The following NFXL1 variants were observed in gnomAD, a reference collection of about 807,000 sequenced individuals.
NFXL1 encodes nuclear transcription factor, X-box binding like 1.
In NFXL1, 66 loss-of-function variants were observed where a neutral mutation model predicts 123.3. The ratio of observed to expected loss-of-function variants is 0.54; its 90% CI spans 0.44 to 0.66. The LOEUF is 0.66. Among genes scored for constraint, NFXL1 ranks in the 30% least tolerant of loss-of-function variants. NFXL1 has a pLI of 0.00. For missense variants in NFXL1, 944 were observed against 1,125.6 expected (o/e 0.84, Z 2.31); for synonymous variants, 346 against 360.8 (o/e 0.96, Z 0.46).
In NFXL1 at chr4:47,858,801, A is replaced by AT. The variant is rs771786921; in HGVS notation, c.2317-3639dup. Among the ~76,000 whole-genome samples, 6 of 152,242 alleles carry AT rather than the reference A, an allele frequency of 3.9e-5. No homozygotes were observed. The South Asian group carries it at 6.2e-4, about 16-fold the overall frequency. ...ACTTCTGGTATGCCAGCATTACTTG[A>AT]TTTTTTGGCCTGGGTAGAGTTAACA... On this transcript the variant is annotated intron_variant, in intron 19 of 22. Transcript: ENST00000507489.
chr4:47,871,303 A>C (rs1735415518), intron 18 of NFXL1, among the ~76,000 whole-genome samples: 1 of 149,156 alleles, frequency 6.7e-6, no homozygotes, highest in Admixed American at 6.8e-5. Flanking sequence ...CAGTGAGCAG[A>C]TTATGCCACT....
chr4:47,850,881 A>C (rs910712313), intron 22 of NFXL1, among the ~76,000 whole-genome samples: 1 of 152,122 alleles, frequency 6.6e-6, no homozygotes, highest in Non-Finnish European at 1.5e-5. Flanking sequence ...ATACAAAAAA[A>C]AAATTTGGGA....
chr4:47,852,240 G>C (rs898468325), intron 20 of NFXL1: 1 of 287,298 alleles, frequency 3.5e-6, no homozygotes, highest in Non-Finnish European at 6.5e-6. Context: ...TTTCTTTATT[G>C]TTTGTTATTC....
chr4:47,854,761 A>C (rs757424241), intron 20 of NFXL1, among the ~76,000 whole-genome samples: 9 of 152,128 alleles, frequency 5.9e-5, no homozygotes, highest in Non-Finnish European at 1.0e-4. Flanking sequence ...AATCTAAAGC[A>C]CATTGACCAA....
In NFXL1 at chr4:47,897,889, TGGA is replaced by T. The variant is rs2058669081; in HGVS notation, c.1204+75_1204+77del. ...TTTAGTAATATGCACTTAAGTTTCC[TGGA>T]GGACGTCTTTTGAATGTCTTTTCAT... On this transcript the variant is annotated intron_variant, in intron 9 of 22. Coordinates refer to ENST00000507489, the MANE Select transcript of NFXL1 (RefSeq NM_001278624.2). 7 of 883,028 alleles carry T rather than the reference TGGA, an allele frequency of 7.9e-6. No individual in the cohort carries two copies. In the South Asian group the frequency reaches 1.3e-4, roughly 17 times the overall value. The allele number at this position is 883,028 out of a possible 1,614,324, so 54.7% of individuals were successfully genotyped here.
chr4:47,914,169 C>T lies in NFXL1; in HGVS notation c.35G>A (p.Arg12Gln). 1 of 1,528,320 alleles carries T rather than the reference C, an allele frequency of 6.5e-7. No individual in the cohort carries two copies. The allele number at this position is 1,528,320 out of a possible 1,614,324, so 94.7% of individuals were successfully genotyped here. A position where few individuals can be genotyped will look rare whatever the true frequency, so the allele number is the denominator to read the frequency against. The change falls in exon 2 of 23, where the codon CGA (arginine) becomes CAA (glutamine). Residue 12 changes from arginine to glutamine, a missense_variant. Around this residue, in one of 4 missense-constraint regions of NFXL1, gnomAD observed 303 missense variants for 292.1 expected, o/e 1.04. Transcript: ENST00000507489. ...EASWRQVAGGRGRSRGRATAA... is the reference protein window; with the variant it reads ...EASWRQVAGGQGRSRGRATAA... ...AGTGGCCCGTCCCCGGGATCGGCCT[C>T]GGCCACCGGCCACCTGGCGCCAGGA... is the stretch of plus-strand genomic sequence containing the variant.
At position 47,899,071 on chromosome 4, in the gene NFXL1, C is replaced by T. The variant is rs34323060; in HGVS notation, c.876G>A (p.Lys292=). ...ACCTACGAGGGATAGGTTTTGCTTT[C>T]TTACAGTAACAAGTAGTTGTGACCA... The part of the protein sequence containing the change: ...PKMVTTTCYC[K]KAKPIPRRCS... Residue 292 remains lysine (K), a synonymous_variant, in exon 7 of 23, where the codon AAG becomes AAA. Transcript: ENST00000507489. 66,976 of 1,596,996 alleles carry T rather than the reference C, an allele frequency of 0.042. 1,568 individuals are homozygous for T. Among genetic ancestry groups the T allele is most frequent in the Non-Finnish European group, 0.049 (57,545 of 1,173,380 alleles).
chr4:47,890,663 CCA>C lies in NFXL1; in HGVS notation c.1491_1492del (p.Cys497TrpfsTer7), dbSNP rs1196305423. On this transcript the variant is annotated frameshift_variant, in exon 12 of 23. Transcript: ENST00000507489. LOFTEE classifies it high-confidence loss of function. ...ATGGTTTCTACATCCTAAAGTCCGTCCACAGTTTTGATCACAAGGTGGACAGT... is the reference window on the plus strand; with the variant it reads ...ATGGTTTCTACATCCTAAAGTCCGTCCAGTTTTGATCACAAGGTGGACAGT... 6.2e-6 allele frequency: 10 copies of C among 1,611,520 alleles called. No homozygotes were observed. In the Admixed American group the frequency reaches 6.7e-5, roughly 11 times the overall value.
intron 2 of NFXL1, 123 bp from the exon 3 acceptor site, chr4:47,911,117 G>A (rs1172448032): frequency 2.1e-6 from 1 of 485,034 alleles, no homozygotes; most frequent in Non-Finnish European, 3.5e-6. Context: ...CTACCTTCCT[G>A]TAATCCACGA....
At position 47,903,267 on chromosome 4, in the gene NFXL1, C is replaced by T; in HGVS notation, c.573G>A (p.Trp191Ter). ...CIFHMPCIQK[W>*]AKDSQFLVSS... ...ATACAAGAAACTGGCTGTCTTTAGC[C>T]CACTTCTGGATACAGGGCATGTGAA... The change falls in exon 5 of 23, where the codon TGG becomes TGA. Residue 191 changes from tryptophan (W) to a stop codon, truncating the protein, a stop_gained. Transcript: ENST00000507489. LOFTEE classifies it high-confidence loss of function. The T allele has an allele frequency of 1.3e-6, 2 of 1,599,576 alleles. No homozygotes were observed. Among genetic ancestry groups the T allele is most frequent in the East Asian group, 4.6e-5 (2 of 43,488 alleles).
At chr4:47,849,159 G>A (rs1273062024) in intron 22 of NFXL1, among the ~76,000 whole-genome samples, 3 of 152,034 alleles carry the variant, frequency 2.0e-5, no homozygotes, top group Non-Finnish European at 2.9e-5. Flanking sequence ...GCCAGAACTC[G>A]ATTCTTCTCT....
intron 22 of NFXL1, among the ~76,000 whole-genome samples, chr4:47,849,720 T>C (rs2110020121): frequency 6.6e-6 from 1 of 152,260 alleles, no homozygotes; most frequent in South Asian, 2.1e-4. Context: ...GTATATATTA[T>C]GTGCTGTATA....
In NFXL1 at chr4:47,848,274, A is replaced by C. The variant is rs1260301707; in HGVS notation, c.2625T>G (p.Asp875Glu). Residue 875 changes from aspartate to glutamate, a missense_variant, in exon 23 of 23, where the codon GAT (aspartate) becomes GAG (glutamate). Coordinates refer to ENST00000507489, the MANE Select transcript of NFXL1 (RefSeq NM_001278624.2). ...ATAGTGATAGCTCAACTGCCACTTC[A>C]TCTCTTTTCCTGTTCTTCTTCCGAC... is the stretch of plus-strand genomic sequence containing the variant. ...KGRRKKNRKR[D>E]EVAVELSLWQ... is the part of the protein sequence containing the mutation. 6.2e-7 allele frequency: 1 copy of C among 1,612,932 alleles called. No homozygotes were observed. The highest frequency in any genetic ancestry group is 2.2e-5 in the East Asian group (1 of 44,840).
intron 20 of NFXL1, among the ~76,000 whole-genome samples, chr4:47,852,911 G>A (rs1734204800): frequency 6.6e-6 from 1 of 151,218 alleles, no homozygotes. Context: ...CAAATCCTGA[G>A]TAAAGTGCAT....
chr4:47,895,716 A>G (rs1737045914), intron 10 of NFXL1, among the ~76,000 whole-genome samples: 1 of 152,164 alleles, frequency 6.6e-6, no homozygotes, highest in African/African-American at 2.4e-5. Flanking sequence ...CTTATCATCA[A>G]TAAGGCTGTT....
intron 6 of NFXL1, 26 bp from the exon 7 acceptor site, chr4:47,899,146 A>G: frequency 2.0e-6 from 3 of 1,510,638 alleles, no homozygotes; most frequent in Non-Finnish European, 2.7e-6. Context: ...AGCAAAAAAA[A>G]AAAAAAAAAA....
intron 20 of NFXL1, among the ~76,000 whole-genome samples, chr4:47,853,292 T>A (rs1439402802): frequency 6.6e-6 from 1 of 152,118 alleles, no homozygotes. Context: ...TTATTACACA[T>A]AGCATTGTTT....
In NFXL1 at chr4:47,878,388, G is replaced by A. The variant is rs185862957; in HGVS notation, c.2079+137C>T. ...TCTAAGGCCAGCTGTCTTAGGAAAG[G>A]AAAAGAAGGAGAAGGGATGAGGGCA... On this transcript the variant is annotated intron_variant, in intron 17 of 22. Coordinates refer to ENST00000507489, the MANE Select transcript of NFXL1 (RefSeq NM_001278624.2). 8.9e-5 allele frequency: 57 copies of A among 640,726 alleles called. 1 individual carries two copies. Among genetic ancestry groups the A allele is most frequent in the Non-Finnish European group, 1.4e-4 (54 of 374,278 alleles). The allele number at this position is 640,726 out of a possible 1,614,324, so 39.7% of individuals were successfully genotyped here. A position where few individuals can be genotyped will look rare whatever the true frequency, so the allele number is the denominator to read the frequency against.
intron 18 of NFXL1, among the ~76,000 whole-genome samples, chr4:47,873,150 T>C (rs1014246597): frequency 1.3e-5 from 2 of 152,228 alleles, no homozygotes; most frequent in African/African-American, 4.8e-5. Context: ...TTCAGTCCCA[T>C]CTATAGGCTC....
Sources: gnomAD v4.1 joint callset for allele counts (sites outside exome capture counted in the v4.1 genomes callset) on GRCh38, gnomAD v4.1.1 for gene constraint, gnomAD v4.1.1 regional missense constraint, MANE v1.5 for transcripts, NCBI Gene and HGNC (gene_info 2026-07-23, HGNC 2026-07-21) for gene names.